The following MTMR14 variants were observed in gnomAD, a reference collection of about 807,000 sequenced individuals.
MTMR14 encodes phosphatidylinositol-3,5-bisphosphate 3-phosphatase MTMR14.
A neutral mutation model predicts 86.3 loss-of-function variants in MTMR14; 48 were observed. The observed-to-expected ratio is 0.56, with a 90% CI of 0.44 to 0.71. MTMR14 has a LOEUF of 0.71. Ranked by LOEUF, MTMR14 falls within the 30% of genes least tolerant of loss-of-function variation. The probability of loss-of-function intolerance (pLI) is 0.00; values close to 1 mark genes in which losing one functional copy is unlikely to be tolerated. For synonymous variants in MTMR14, 366 were observed against 326.1 expected, an observed-to-expected ratio of 1.12 and a Z score of -1.32; for missense variants, 780 against 834.6, an observed-to-expected ratio of 0.93 and a Z score of 0.81.
rs777695208 is a variant in MTMR14 at position 9,653,640 on chromosome 3, G to A, written c.179G>A (p.Arg60Lys). The A allele has an allele frequency of 1.9e-6, 3 of 1,614,150 alleles. No homozygotes were observed. The highest frequency in any genetic ancestry group is 1.1e-5 in the South Asian group (1 of 91,084). ...GTGCAGGTTGAGCGCATTGAGAAGA[G>A]ATGTCTGGAGCTGTTTGGCCGAGAC... is the stretch of plus-strand genomic sequence containing the variant. ...GGSKVERIEKRCLELFGRDYC... is the reference protein window; with the variant it reads ...GGSKVERIEKKCLELFGRDYC... Residue 60 changes from arginine (R) to lysine (K), a missense_variant, in exon 2 of 19, where the codon AGA becomes AAA. By Grantham distance (26) the Arg-to-Lys change is conservative (BLOSUM62 2). Coordinates refer to ENST00000296003, the MANE Select transcript of MTMR14 (RefSeq NM_001077525.3).
intron 13 of MTMR14, among the ~76,000 whole-genome samples, chr3:9,685,585 G>A (rs1374842470): frequency 6.6e-6 from 1 of 152,044 alleles, no homozygotes; most frequent in Non-Finnish European, 1.5e-5. Flanking sequence ...GCCTTTCTGT[G>A]CCCCTCGTCT....
intron 14 of MTMR14, among the ~76,000 whole-genome samples, chr3:9,688,391 T>G (rs2125310877): frequency 6.6e-6 from 1 of 152,260 alleles, no homozygotes; most frequent in East Asian, 1.9e-4. Flanking sequence ...CTTGCCTGAG[T>G]TGGTTTGCCT....
intron 2 of MTMR14, among the ~76,000 whole-genome samples, chr3:9,655,095 C>T (rs970078781): frequency 3.3e-5 from 5 of 152,118 alleles, no homozygotes; most frequent in Non-Finnish European, 7.4e-5. Context: ...TATGGATTCT[C>T]GGCCTGGCCT....
At chr3:9,669,067 G>C (rs939491511) in intron 4 of MTMR14, among the ~76,000 whole-genome samples, 1 of 151,572 alleles carries the variant, frequency 6.6e-6, no homozygotes, top group African/African-American at 2.4e-5. Flanking sequence ...TTGAACCCGG[G>C]AGATGGAGGT....
chr3:9,697,994 C>T (rs935419620), intron 18 of MTMR14, 128 bp downstream of exon 18: 3 of 1,337,684 alleles, frequency 2.2e-6, no homozygotes, highest in Admixed American at 1.7e-5. Context: ...CCTCCCCTCT[C>T]TCAGCTGCTG....
At chr3:9,688,900 T>C in intron 15 of MTMR14, 44 bp from the exon 16 acceptor site, 1 of 1,612,842 alleles carries the variant, frequency 6.2e-7, no homozygotes, top group Non-Finnish European at 8.5e-7. Context: ...GGACCAGTAG[T>C]GGGAGAAGGT....
At chr3:9,668,593 A>G in intron 3 of MTMR14, 126 bp from the exon 4 acceptor site, 1 of 906,676 alleles carries the variant, frequency 1.1e-6, no homozygotes. Flanking sequence ...GATGCTGATA[A>G]AACTTTGGGG....
Position 9,671,126 on chromosome 3 carries a change from C to T in MTMR14, c.633C>T (p.Ile211=). The T allele has an allele frequency of 6.2e-7, 1 of 1,614,216 alleles. No homozygotes were observed. Among genetic ancestry groups the T allele is most frequent in the Non-Finnish European group, 8.5e-7 (1 of 1,180,028 alleles). ...KLLRYLSVKY[I]CDLMVENKKV... Reference sequence around the variant, plus strand: ...TTCGATACCTGTCAGTCAAATACATCTGTGACCTGATGGTGGAGAACAAGA... The same window carrying T: ...TTCGATACCTGTCAGTCAAATACATTTGTGACCTGATGGTGGAGAACAAGA... Residue 211 remains isoleucine (I), a synonymous_variant, in exon 6 of 19, where the codon ATC becomes ATT. Coordinates refer to ENST00000296003, the MANE Select transcript of MTMR14 (RefSeq NM_001077525.3).
At chr3:9,686,492 C>A (rs202183667) in intron 13 of MTMR14, among the ~76,000 whole-genome samples, 1 of 152,180 alleles carries the variant, frequency 6.6e-6, no homozygotes, top group East Asian at 1.9e-4. Context: ...TGTTACCCCC[C>A]CCAGACAATC....
At chr3:9,665,455 C>T (rs968083483) in intron 3 of MTMR14, among the ~76,000 whole-genome samples, 3 of 152,060 alleles carry the variant, frequency 2.0e-5, no homozygotes, top group South Asian at 2.1e-4. Flanking sequence ...AAACAATAGA[C>T]GTCAGGGACT....
intron 7 of MTMR14, among the ~76,000 whole-genome samples, chr3:9,674,802 A>G (rs561374511): frequency 1.3e-5 from 2 of 151,812 alleles, no homozygotes; most frequent in South Asian, 4.2e-4. Flanking sequence ...CTTTCCCCAA[A>G]GCTTTTTTTG....
At chr3:9,653,118 A>G (rs2047398639) in intron 1 of MTMR14, among the ~76,000 whole-genome samples, 1 of 152,184 alleles carries the variant, frequency 6.6e-6, no homozygotes, top group South Asian at 2.1e-4. Context: ...CGCACCTGTA[A>G]TCCCAGCTAC....
At position 9,659,440 on chromosome 3, in the gene MTMR14, G is replaced by C. The variant is rs534272416; in HGVS notation, c.309-2827G>C. On this transcript the variant is annotated intron_variant, in intron 2 of 18. Transcript: ENST00000296003. ...AAAGTGAGAGAACAGAAACTGAATTGGTTCTTTTTTTTTTTTTTTTTAAGA... is the reference window on the plus strand; with the variant it reads ...AAAGTGAGAGAACAGAAACTGAATTCGTTCTTTTTTTTTTTTTTTTTAAGA... 4.0e-3 allele frequency among the ~76,000 whole-genome samples: 602 copies of C among 148,682 alleles called. 3 individuals carry two copies. Among genetic ancestry groups the C allele is most frequent in the Non-Finnish European group, 6.9e-3 (468 of 67,832 alleles).
chr3:9,674,891 C>A (rs540367407), intron 7 of MTMR14, among the ~76,000 whole-genome samples: 79 of 152,306 alleles, frequency 5.2e-4, no homozygotes, highest in Non-Finnish European at 9.7e-4. Flanking sequence ...GCAGGCAGAT[C>A]ACCTGAGGTA....
chr3:9,671,060 G>C lies in MTMR14; in HGVS notation c.567G>C (p.Thr189=), dbSNP rs9880613. The C allele has an allele frequency of 1.2e-6, 2 of 1,614,078 alleles. No individual in the cohort carries two copies. Among genetic ancestry groups the C allele is most frequent in the Non-Finnish European group, 1.7e-6 (2 of 1,179,968 alleles). Reference sequence around the variant, plus strand: ...CTCTTTATTTCAGAAGTGGTGACACGCATCTTTTTGATAAGGTCAGAGGCT... The same window carrying C: ...CTCTTTATTTCAGAAGTGGTGACACCCATCTTTTTGATAAGGTCAGAGGCT... ...EEDCALRSGD[T]HLFDKVRGYD... is the part of the protein sequence containing the mutation. The change falls in exon 6 of 19, where the codon ACG becomes ACC. Residue 189 remains threonine (T), a synonymous_variant. Transcript: ENST00000296003.
chr3:9,659,505 G>A (rs1323800517), intron 2 of MTMR14: 3 of 321,228 alleles, frequency 9.3e-6, no homozygotes, highest in African/African-American at 2.2e-5. Flanking sequence ...GTGCAGTGGC[G>A]TGATCTCTGC....
rs144240502 is a variant in MTMR14, at chr3:9,670,955, A to C, written c.555-93A>C. On this transcript the variant is annotated intron_variant, in intron 5 of 18. Coordinates refer to ENST00000296003, the MANE Select transcript of MTMR14 (RefSeq NM_001077525.3). ...GCACACGCCCCAGCTTCTGGAGAAG[A>C]GTGACATCCATACTTCCCTGAATGA... 64 of 1,522,280 alleles carry C rather than the reference A, an allele frequency of 4.2e-5. No individual in the cohort carries two copies. The African/African-American group carries it at 7.9e-4, about 19-fold the overall frequency. The allele number at this position is 1,522,280 out of a possible 1,614,324, so 94.3% of individuals were successfully genotyped here. A position where few individuals can be genotyped will look rare whatever the true frequency, so the allele number is the denominator to read the frequency against.
chr3:9,684,723 G>A (rs368010627), intron 11 of MTMR14, 53 bp downstream of exon 11: 2 of 1,601,088 alleles, frequency 1.2e-6, no homozygotes, highest in African/African-American at 2.7e-5. Context: ...TGTTAGGATT[G>A]TCTCCAGACA....
chr3:9,653,401 A>T (rs2047420558), intron 1 of MTMR14, among the ~76,000 whole-genome samples: 1 of 152,092 alleles, frequency 6.6e-6, no homozygotes, highest in Non-Finnish European at 1.5e-5. Context: ...ACAATTTCAG[A>T]TTCATTGTTA....
Sources: gnomAD v4.1 joint callset for allele counts (sites outside exome capture counted in the v4.1 genomes callset) on GRCh38, gnomAD v4.1.1 for gene constraint, MANE v1.5 for transcripts, NCBI Gene and HGNC (gene_info 2026-07-23, HGNC 2026-07-21) for gene names.